The following ABCC5 variants were observed in gnomAD, a reference collection of about 807,000 sequenced individuals.
ABCC5 encodes the protein ATP binding cassette subfamily C member 5.
Under a neutral mutation model 160.9 loss-of-function variants are expected in ABCC5, and 61 were observed. That is an observed-to-expected ratio of 0.38 (90% confidence interval 0.31 to 0.47). ABCC5 has a LOEUF of 0.47. Ranked by LOEUF, ABCC5 falls within the 20% of genes least tolerant of loss-of-function variation. The pLI is 0.99. For synonymous variants in ABCC5, 666 were observed against 700.6 expected (o/e 0.95, Z 0.78); for missense variants, 1,308 against 1,813.3 (o/e 0.72, Z 5.06).
intron 2 of ABCC5, among the ~76,000 whole-genome samples, chr3:184,000,088 G>C (rs1483901796): frequency 6.6e-6 from 1 of 151,900 alleles, no homozygotes; most frequent in African/African-American, 2.4e-5. Flanking sequence ...GCTGGGCGCG[G>C]CGGCTCACAC....
chr3:183,931,242 TGTAC>T (rs1272545035), intron 26 of ABCC5, among the ~76,000 whole-genome samples: 1 of 151,962 alleles, frequency 6.6e-6, no homozygotes, highest in Non-Finnish European at 1.5e-5. Context: ...CGAGAACTGC[TGTAC>T]ACAAAAGCGC....
At chr3:183,928,605 A>G in intron 27 of ABCC5, 142 bp downstream of exon 27, 1 of 681,084 alleles carries the variant, frequency 1.5e-6, no homozygotes, top group Non-Finnish European at 2.5e-6. Context: ...CAGGTATCTG[A>G]AAGACTTGGA....
chr3:183,984,444 G>C, intron 5 of ABCC5: 1 of 1,010,590 alleles, frequency 9.9e-7, no homozygotes, highest in Non-Finnish European at 1.2e-6. Flanking sequence ...GACAAAAATG[G>C]AGGCCAGACA....
At chr3:184,013,949 T>G (rs1194431229) in intron 2 of ABCC5, among the ~76,000 whole-genome samples, 5 of 152,196 alleles carry the variant, frequency 3.3e-5, no homozygotes, top group Admixed American at 6.5e-5. Context: ...CCCAGCTCAC[T>G]GCAACCTCCG....
At chr3:183,931,238 C>T (rs1713146539) in intron 26 of ABCC5, among the ~76,000 whole-genome samples, 1 of 151,962 alleles carries the variant, frequency 6.6e-6, no homozygotes, top group Admixed American at 6.6e-5. Flanking sequence ...GAAGCGAGAA[C>T]TGCTGTACAC....
intron 2 of ABCC5, among the ~76,000 whole-genome samples, chr3:183,992,111 T>G (rs1719819553): frequency 2.6e-5 from 4 of 152,252 alleles, no homozygotes. Flanking sequence ...CATGTATACA[T>G]GCACTCTGAC....
At position 184,002,827 on chromosome 3, in the gene ABCC5, G is replaced by T. The variant is rs773064601; in HGVS notation, c.129+11437C>A. On this transcript the variant is annotated intron_variant, in intron 2 of 29. Transcript: ENST00000334444. Reference sequence around the variant, plus strand: ...CAGGGTAGCCTGCCTAATAAGCCTCGGGCTGAGGATTCAACCAAGTTGTTC... The same window carrying T: ...CAGGGTAGCCTGCCTAATAAGCCTCTGGCTGAGGATTCAACCAAGTTGTTC... Among the ~76,000 whole-genome samples, 104 of 152,280 alleles carry T rather than the reference G, an allele frequency of 6.8e-4. 2 individuals are homozygous for T. The highest frequency in any genetic ancestry group is 1.2e-3 in the Non-Finnish European group (83 of 68,020).
At chr3:183,957,442 C>G (rs1334215042) in intron 17 of ABCC5, among the ~76,000 whole-genome samples, 2 of 139,114 alleles carry the variant, frequency 1.4e-5, no homozygotes, top group East Asian at 2.7e-4. Flanking sequence ...ATGTGTATAT[C>G]ACATCTGTTA....
rs545463972 is a variant in ABCC5, at chr3:183,992,672, C to T, written c.130-3289G>A. On this transcript the variant is annotated intron_variant, in intron 2 of 29. Transcript: ENST00000334444. ...GGCGCCATGGCAGGCACCTATAGTC[C>T]CAGCTACTCGGGAGGCTGAAGCAGG... Among the ~76,000 whole-genome samples the T allele has an allele frequency of 3.9e-5, 6 of 152,166 alleles. No individual in the cohort carries two copies. In the South Asian group the frequency reaches 1.2e-3, roughly 32 times the overall value.
intron 2 of ABCC5, among the ~76,000 whole-genome samples, chr3:183,990,241 G>C (rs1320278363): frequency 6.6e-6 from 1 of 151,896 alleles, no homozygotes; most frequent in African/African-American, 2.4e-5. Context: ...CCGAGTAGGG[G>C]GGTTACAGGC....
In ABCC5 at chr3:183,932,463, C is replaced by T. The variant is rs1017126540; in HGVS notation, c.3855-3638G>A. On this transcript the variant is annotated intron_variant, in intron 26 of 29. Transcript: ENST00000334444. ...AAAGGTCAAGATCCACAAAGAGGCA[C>T]GTCTAACTGTTTTTTGGAGAGATGG... Among the ~76,000 whole-genome samples, 7 of 152,252 alleles carry T rather than the reference C, an allele frequency of 4.6e-5. No homozygotes were observed. The South Asian group carries it at 1.0e-3, about 23-fold the overall frequency.
intron 10 of ABCC5, among the ~76,000 whole-genome samples, chr3:183,975,625 G>A (rs548184035): frequency 1.3e-5 from 2 of 151,972 alleles, no homozygotes; most frequent in Non-Finnish European, 2.9e-5. Flanking sequence ...TTACAGGCGT[G>A]AGCCACCAAG....
chr3:183,988,048 CAT>C lies in ABCC5; in HGVS notation c.444-133_444-132del, dbSNP rs952332750. 4.0e-6 allele frequency: 4 copies of C among 992,192 alleles called. No homozygotes were observed. The African/African-American group carries it at 4.8e-5, about 12-fold the overall frequency. 61.5% of individuals were successfully genotyped at this position (992,192 alleles called of 1,614,324 possible). A position where few individuals can be genotyped will look rare whatever the true frequency, so the allele number is the denominator to read the frequency against. On this transcript the variant is annotated intron_variant, in intron 4 of 29. Coordinates refer to ENST00000334444, the MANE Select transcript of ABCC5 (RefSeq NM_005688.4). This position sits in a 1 kb window ranked among gnomAD's most constrained non-coding sequence, Gnocchi z 4.4. ...CAAGTCTCTCCTTTAAAATTATGTA[CAT>C]AGTCTTCACCTTCTGGGAAAAAATA...
intron 17 of ABCC5, 28 bp downstream of exon 17, chr3:183,959,705 A>G (rs1182601961): frequency 7.9e-6 from 12 of 1,512,400 alleles, no homozygotes; most frequent in Non-Finnish European, 1.1e-5. Flanking sequence ...TTGATGACAA[A>G]TCTAAAAATT....
rs1712691857 is a variant in ABCC5, at chr3:183,927,394, T to A, written c.3983A>T (p.Asp1328Val). 1 of 1,613,856 alleles carries A rather than the reference T, an allele frequency of 6.2e-7. No individual in the cohort carries two copies. The change falls in exon 28 of 30, where the codon GAT becomes GTT. Residue 1328 changes from aspartate (D) to valine (V), a missense_variant. Physicochemically the swap from Asp to Val is radical, Grantham distance 152. This residue lies in a region of ABCC5 where 163 missense variants were observed against 269.7 expected (regional missense o/e 0.60). Transcript: ENST00000334444. ...CTGCCGTTCCCCCACTGAGAAGTTATCCCCATTCTCCATCACTTCAGATTC... is the reference window on the plus strand; with the variant it reads ...CTGCCGTTCCCCCACTGAGAAGTTAACCCCATTCTCCATCACTTCAGATTC... Reference protein sequence around the residue: ...KLESEVMENGDNFSVGERQLL... With the variant: ...KLESEVMENGVNFSVGERQLL...
chr3:183,971,689 C>T lies in ABCC5; in HGVS notation c.1635G>A (p.Gln545=), dbSNP rs1175843261. 6.2e-7 allele frequency: 1 copy of T among 1,614,208 alleles called. No individual in the cohort carries two copies. ...RTEHQAVLAE[Q]KGHLLLDSDE... ...CACTGTCCAGGAGGAGGTGGCCTTT[C>T]TGCTCTGCCAGCACCGCCTGATGCT... is the stretch of plus-strand genomic sequence containing the variant. Residue 545 remains glutamine, a synonymous_variant, in exon 11 of 30, where the codon CAG becomes CAA. Transcript: ENST00000334444.
chr3:183,989,148 A>T, intron 3 of ABCC5, 78 bp downstream of exon 3: 12,315 of 799,254 alleles, frequency 0.015, no homozygotes, highest in Non-Finnish European at 0.021. Context: ...ACAGAGCAAG[A>T]CTCCATCTCA....
chr3:183,976,325 A>G (rs1718213303), intron 10 of ABCC5, among the ~76,000 whole-genome samples: 1 of 147,912 alleles, frequency 6.8e-6, no homozygotes. Context: ...CATGATCATA[A>G]CTCACTGCAG....
intron 23 of ABCC5, 26 bp from the exon 24 acceptor site, chr3:183,945,965 G>C: frequency 6.2e-7 from 1 of 1,602,272 alleles, no homozygotes; most frequent in South Asian, 1.1e-5. Context: ...AACAATCAAA[G>C]AGATAATTCA....
Sources: allele counts gnomAD v4.1 joint callset (sites outside exome capture counted in the v4.1 genomes callset), GRCh38; gene constraint gnomAD v4.1.1; regional missense constraint gnomAD v4.1.1; non-coding constraint Gnocchi (gnomAD v3.1); transcripts MANE v1.5; gene names NCBI Gene and HGNC (gene_info 2026-07-23, HGNC 2026-07-21).